The following SCHIP1 variants were observed in gnomAD, a reference collection of about 807,000 sequenced individuals.
The protein encoded by SCHIP1 is schwannomin interacting protein 1.
Under a neutral mutation model 29.7 loss-of-function variants are expected in SCHIP1, and 8 were observed. The ratio of observed to expected loss-of-function variants is 0.27; its 90% CI spans 0.16 to 0.49. The LOEUF (loss-of-function observed/expected upper bound fraction) is 0.49, where lower values mean the gene tolerates loss of function less well. Among genes scored for constraint, SCHIP1 ranks in the 20% least tolerant of loss-of-function variants. The probability of loss-of-function intolerance (pLI) is 0.99; values close to 1 mark genes in which losing one functional copy is unlikely to be tolerated. For synonymous variants in SCHIP1, 76 were observed against 94.9 expected (o/e 0.80, Z 1.16); for missense variants, 193 against 294.6 (o/e 0.66, Z 2.52).
At chr3:159,387,737 C>A in the SCHIP1 span, among the ~76,000 whole-genome samples, 1 of 152,148 alleles carries the variant, frequency 6.6e-6, no homozygotes, top group Non-Finnish European at 1.5e-5. Context: ...TGTGTTCTTA[C>A]ACACACACCA....
the SCHIP1 span, among the ~76,000 whole-genome samples, chr3:159,426,832 C>A: frequency 2.0e-5 from 3 of 152,158 alleles, no homozygotes; most frequent in Non-Finnish European, 2.9e-5. Flanking sequence ...AAAGCTTATC[C>A]ACCATGATCA....
the SCHIP1 span, among the ~76,000 whole-genome samples, chr3:159,283,115 T>C: frequency 1.3e-5 from 2 of 152,124 alleles, no homozygotes; most frequent in African/African-American, 4.8e-5. Flanking sequence ...CACGAATAGA[T>C]ATAGATATCA....
the SCHIP1 span, among the ~76,000 whole-genome samples, chr3:159,413,547 A>C: frequency 1.3e-5 from 2 of 152,186 alleles, no homozygotes; most frequent in Non-Finnish European, 2.9e-5. Flanking sequence ...GCTGGGGATG[A>C]GTGGTAAACA....
chr3:159,604,871 G>T, the SCHIP1 span, among the ~76,000 whole-genome samples: 9 of 152,254 alleles, frequency 5.9e-5, no homozygotes, highest in East Asian at 1.7e-3. Context: ...CACAGCCCAA[G>T]AAACTAATTT....
the SCHIP1 span, among the ~76,000 whole-genome samples, chr3:159,486,305 C>A: frequency 2.0e-5 from 3 of 152,154 alleles, no homozygotes; most frequent in Non-Finnish European, 4.4e-5. Context: ...TTTCCCCCTA[C>A]CCTCTTCCCC....
At chr3:159,380,158 GA>G in the SCHIP1 span, among the ~76,000 whole-genome samples, 2 of 152,290 alleles carry the variant, frequency 1.3e-5, no homozygotes, top group African/African-American at 2.4e-5. Context: ...AAATATTTGT[GA>G]AGTTCTTTCA....
At chr3:159,438,577 TC>T in the SCHIP1 span, among the ~76,000 whole-genome samples, 1 of 152,124 alleles carries the variant, frequency 6.6e-6, no homozygotes, top group Admixed American at 6.6e-5. Context: ...GCACAGATCA[TC>T]CCATCACCCA....
At chr3:159,368,805 G>C in the SCHIP1 span, among the ~76,000 whole-genome samples, 1 of 152,274 alleles carries the variant, frequency 6.6e-6, no homozygotes, top group South Asian at 2.1e-4. Flanking sequence ...TGAGAGATGA[G>C]TTTGGAAGTC....
chr3:159,471,759 AG>A, the SCHIP1 span, among the ~76,000 whole-genome samples: 1 of 152,136 alleles, frequency 6.6e-6, no homozygotes, highest in Non-Finnish European at 1.5e-5. Context: ...GCCATAAAGA[AG>A]TAAACGTAAC....
the SCHIP1 span, among the ~76,000 whole-genome samples, chr3:159,394,860 C>A: frequency 3.4e-4 from 51 of 152,102 alleles, no homozygotes; most frequent in African/African-American, 1.2e-3. Flanking sequence ...CCCTCTTTTT[C>A]TATTGATTGG....
the SCHIP1 span, among the ~76,000 whole-genome samples, chr3:159,574,375 C>A: frequency 6.6e-6 from 1 of 152,200 alleles, no homozygotes; most frequent in East Asian, 1.9e-4. Context: ...CCCTCAGCTG[C>A]AGGTCTGTTG....
At chr3:159,842,313 C>T (rs1049455607) in intron 1 of SCHIP1, among the ~76,000 whole-genome samples, 1 of 152,088 alleles carries the variant, frequency 6.6e-6, no homozygotes, top group Non-Finnish European at 1.5e-5. Context: ...GCTTCAGGGG[C>T]CATTCCCCTG....
At chr3:159,575,774 G>A in the SCHIP1 span, among the ~76,000 whole-genome samples, 6 of 152,088 alleles carry the variant, frequency 3.9e-5, no homozygotes, top group South Asian at 2.1e-4. Context: ...TACTTTTAAA[G>A]TCAAAGTTGA....
chr3:159,649,192 A>T, the SCHIP1 span, among the ~76,000 whole-genome samples: 1 of 152,088 alleles, frequency 6.6e-6, no homozygotes. Context: ...GTACTTGTAG[A>T]TGTTTGGGCC....
At chr3:159,560,684 C>G in the SCHIP1 span, among the ~76,000 whole-genome samples, 1 of 151,648 alleles carries the variant, frequency 6.6e-6, no homozygotes, top group Admixed American at 6.6e-5. Context: ...TTCCATTCTC[C>G]CCCATCACTC....
At chr3:159,646,592 T>C in the SCHIP1 span, among the ~76,000 whole-genome samples, 287 of 152,254 alleles carry the variant, frequency 1.9e-3, 1 homozygote, top group African/African-American at 6.5e-3. Flanking sequence ...TTCAGTAAGA[T>C]AGTAATAAGG....
At chr3:159,742,727 G>A in the SCHIP1 span, among the ~76,000 whole-genome samples, 41,856 of 151,068 alleles carry the variant, frequency 0.28, 5,842 homozygotes, top group Middle Eastern at 0.35. Context: ...GAGTGCAATG[G>A]TCCGATCTCA....
chr3:159,853,578 A>G (rs950167209), intron 1 of SCHIP1: 6 of 495,646 alleles, frequency 1.2e-5, no homozygotes, highest in Admixed American at 7.8e-5. Flanking sequence ...TATAGTCAGG[A>G]AAAACTAAAT....
chr3:159,721,468 T>C, the SCHIP1 span: 1 of 152,798 alleles, frequency 6.5e-6, no homozygotes, highest in Non-Finnish European at 1.5e-5. Context: ...CATTTTTCCA[T>C]GAAAGGGATG....
Sources: gnomAD v4.1 joint callset for allele counts (sites outside exome capture counted in the v4.1 genomes callset) on GRCh38, gnomAD v4.1.1 for gene constraint, MANE v1.5 for transcripts, NCBI Gene and HGNC (gene_info 2026-07-23, HGNC 2026-07-21) for gene names.